CNTN4: variants seen among roughly 807,000 people sequenced by gnomAD.
The protein encoded by CNTN4 is contactin 4, also known as contactin-4.
A neutral mutation model predicts 122.5 loss-of-function variants in CNTN4; 77 were observed. The ratio of observed to expected loss-of-function variants is 0.63; its 90% CI spans 0.52 to 0.76. The LOEUF (loss-of-function observed/expected upper bound fraction) is 0.76, where lower values mean the gene tolerates loss of function less well. Among genes scored for constraint, CNTN4 ranks in the 30% least tolerant of loss-of-function variants. The probability of loss-of-function intolerance (pLI) is 0.00; values close to 1 mark genes in which losing one functional copy is unlikely to be tolerated. For missense variants in CNTN4, 1,256 were observed against 1,259.1 expected, an observed-to-expected ratio of 1.00 and a Z score of 0.04; for synonymous variants, 512 against 447.0, an observed-to-expected ratio of 1.15 and a Z score of -1.83.
chr3:2,470,054 A>C (rs2151494047), intron 3 of CNTN4, among the ~76,000 whole-genome samples: 1 of 151,730 alleles, frequency 6.6e-6, no homozygotes, highest in Non-Finnish European at 1.5e-5. Flanking sequence ...TTTGATGACT[A>C]GGTATATGTT....
chr3:2,994,722 C>A (rs2125338939), intron 14 of CNTN4, among the ~76,000 whole-genome samples: 1 of 152,020 alleles, frequency 6.6e-6, no homozygotes, highest in South Asian at 2.1e-4. Context: ...GAAATATCAA[C>A]CTTTCCATGC....
chr3:2,104,612 T>G (rs1021811053), intron 2 of CNTN4, among the ~76,000 whole-genome samples: 1 of 152,154 alleles, frequency 6.6e-6, no homozygotes, highest in Admixed American at 6.5e-5. Context: ...TGGAGGTTGT[T>G]GTAGGCACAG....
intron 4 of CNTN4, among the ~76,000 whole-genome samples, chr3:2,642,118 C>G (rs1042549945): frequency 1.3e-5 from 2 of 152,296 alleles, no homozygotes; most frequent in Non-Finnish European, 2.9e-5. Flanking sequence ...AGCAAGGAAG[C>G]CAGTCCAAAT....
intron 3 of CNTN4, among the ~76,000 whole-genome samples, chr3:2,482,529 C>T (rs2076034457): frequency 6.6e-6 from 1 of 152,162 alleles, no homozygotes. Flanking sequence ...AATGGGGAAA[C>T]TGTCCCCAGG....
chr3:2,342,738 T>C (rs902261383), intron 3 of CNTN4, among the ~76,000 whole-genome samples: 8 of 152,204 alleles, frequency 5.3e-5, no homozygotes, highest in Non-Finnish European at 8.8e-5. Context: ...ATTTTAAGTT[T>C]CCTGAGGCCT....
intron 7 of CNTN4, among the ~76,000 whole-genome samples, chr3:2,843,882 G>T (rs1427624640): frequency 6.6e-6 from 1 of 152,148 alleles, no homozygotes; most frequent in Admixed American, 6.5e-5. Flanking sequence ...ACTCTTTTAA[G>T]TGTAAGTCGT....
At chr3:2,532,870 G>A (rs2077649747) in intron 3 of CNTN4, among the ~76,000 whole-genome samples, 1 of 151,968 alleles carries the variant, frequency 6.6e-6, no homozygotes, top group African/African-American at 2.4e-5. Context: ...CCATGCTTGG[G>A]AGGCAGGGTG....
chr3:2,323,910 A>G (rs2150230810), intron 2 of CNTN4, among the ~76,000 whole-genome samples: 1 of 152,326 alleles, frequency 6.6e-6, no homozygotes. Flanking sequence ...CAATCCAGAG[A>G]GTGCTGGTGG....
At chr3:2,689,383 G>T (rs1389931673) in intron 4 of CNTN4, among the ~76,000 whole-genome samples, 2 of 152,088 alleles carry the variant, frequency 1.3e-5, no homozygotes, top group Non-Finnish European at 2.9e-5. Flanking sequence ...ACCTCCCTAG[G>T]CACATCATGG....
chr3:2,228,653 G>T (rs1427898134), intron 2 of CNTN4, among the ~76,000 whole-genome samples: 1 of 152,136 alleles, frequency 6.6e-6, no homozygotes, highest in Non-Finnish European at 1.5e-5. Flanking sequence ...TAGATCAGAA[G>T]ACTGAGGGTC....
chr3:2,985,833 T>TA (rs1694509047), intron 13 of CNTN4, among the ~76,000 whole-genome samples: 1 of 152,130 alleles, frequency 6.6e-6, no homozygotes, highest in South Asian at 2.1e-4. Context: ...GCTGATGTAA[T>TA]TACTATATTA....
chr3:2,573,406 C>A (rs1035226519), intron 4 of CNTN4, among the ~76,000 whole-genome samples: 1 of 152,126 alleles, frequency 6.6e-6, no homozygotes, highest in Non-Finnish European at 1.5e-5. Flanking sequence ...TTCCTCCCAG[C>A]AGTATGCCCA....
chr3:2,819,588 A>G lies in CNTN4; in HGVS notation c.454+7A>G, dbSNP rs1173049216. 2.5e-6 allele frequency: 4 copies of G among 1,591,060 alleles called. No individual in the cohort carries two copies. The highest frequency in any genetic ancestry group is 1.3e-5 in the African/African-American group (1 of 74,590). On this transcript the variant is annotated splice_region_variant and intron_variant, in intron 7 of 24. Transcript: ENST00000418658. ...CCGCCACCCCATTCTGGAGGTACAT[A>G]TAAATGAACTGACATATGCATGCTT... is the stretch of plus-strand genomic sequence containing the variant.
intron 3 of CNTN4, among the ~76,000 whole-genome samples, chr3:2,482,553 C>G (rs1311972846): frequency 6.6e-6 from 1 of 152,162 alleles, no homozygotes; most frequent in African/African-American, 2.4e-5. Context: ...TGTCACAGAC[C>G]TTCAGGACAG....
chr3:2,259,560 A>G (rs1254524962), intron 2 of CNTN4, among the ~76,000 whole-genome samples: 1 of 152,188 alleles, frequency 6.6e-6, no homozygotes, highest in East Asian at 1.9e-4. Context: ...AGGCCTCATA[A>G]TCATGGCAGA....
chr3:2,819,612 T>G, intron 7 of CNTN4, 31 bp downstream of exon 7: 29 of 1,366,022 alleles, frequency 2.1e-5, no homozygotes, highest in Non-Finnish European at 2.5e-5. Flanking sequence ...ATATGCATGC[T>G]TCACTCTCTG....
intron 2 of CNTN4, among the ~76,000 whole-genome samples, chr3:2,303,163 G>C (rs1475301615): frequency 6.6e-6 from 1 of 152,098 alleles, no homozygotes; most frequent in Non-Finnish European, 1.5e-5. Context: ...CTAAGACATA[G>C]AGCCATGGCG....
intron 22 of CNTN4, 136 bp from the exon 23 acceptor site, chr3:3,043,456 T>G (rs575520855): frequency 1.3e-6 from 1 of 755,226 alleles, no homozygotes; most frequent in Non-Finnish European, 2.4e-6. Context: ...CATCAGATTT[T>G]AGTGACCTTG....
chr3:3,009,600 AT>A (rs1310329806), intron 14 of CNTN4, among the ~76,000 whole-genome samples: 11 of 132,004 alleles, frequency 8.3e-5, no homozygotes, highest in Non-Finnish European at 1.6e-4. Context: ...CGCCCGGCTA[AT>A]TTTTTGTATT....
Sources: allele counts gnomAD v4.1 joint callset (sites outside exome capture counted in the v4.1 genomes callset), GRCh38; gene constraint gnomAD v4.1.1; transcripts MANE v1.5; gene names NCBI Gene and HGNC (gene_info 2026-07-23, HGNC 2026-07-21).